HOXB3: variants seen among roughly 807,000 people sequenced by gnomAD.
HOXB3 encodes the protein homeobox protein Hox-B3.
Under a neutral mutation model 29.2 loss-of-function variants are expected in HOXB3, and 17 were observed. The observed-to-expected ratio is 0.58, with a 90% CI of 0.40 to 0.87. The LOEUF is 0.87. Ranked by LOEUF, HOXB3 falls within the 40% of genes least tolerant of loss-of-function variation. The probability of loss-of-function intolerance (pLI) is 0.00; values close to 1 mark genes in which losing one functional copy is unlikely to be tolerated. For synonymous variants in HOXB3, 317 were observed against 285.9 expected (o/e 1.11, Z -1.10); for missense variants, 637 against 616.3 (o/e 1.03, Z -0.35).
intron 2 of HOXB3, among the ~76,000 whole-genome samples, chr17:48,566,678 G>C (rs944194894): frequency 2.0e-5 from 3 of 152,152 alleles, no homozygotes; most frequent in African/African-American, 7.2e-5. Flanking sequence ...GAATTCAGAA[G>C]CTAATACAAA....
chr17:48,552,625 C>G lies in HOXB3; in HGVS notation c.-151G>C. The G allele has an allele frequency of 8.3e-6, 5 of 604,346 alleles. No homozygotes were observed. Among genetic ancestry groups the G allele is most frequent in the Non-Finnish European group, 1.4e-5 (5 of 351,938 alleles). The allele number at this position is 604,346 out of a possible 1,614,324, so 37.4% of individuals were successfully genotyped here. On this transcript the variant is annotated 5_prime_UTR_variant, in exon 4 of 5. Transcript: ENST00000498678. ...CCCCTCCTCCGGGGTCTGTTCCAAGCGGCTGACCTGCGAGGCGAGAGAAGA... is the reference window on the plus strand; with the variant it reads ...CCCCTCCTCCGGGGTCTGTTCCAAGGGGCTGACCTGCGAGGCGAGAGAAGA...
At chr17:48,583,991 C>G (rs541045232) in intron 1 of HOXB3, among the ~76,000 whole-genome samples, 24 of 152,234 alleles carry the variant, frequency 1.6e-4, no homozygotes, top group Non-Finnish European at 3.1e-4. Context: ...CCACAGTGTA[C>G]CTCCTATAGT....
At chr17:48,582,347 C>G (rs1315101642) in intron 1 of HOXB3, 1 of 152,304 alleles carries the variant, frequency 6.6e-6, no homozygotes, top group African/African-American at 2.4e-5. Context: ...CGCCGGGCAA[C>G]AGCTGAGCTC....
At position 48,577,787 on chromosome 17, in the gene HOXB3, C is replaced by A. The variant is rs549526645; in HGVS notation, c.-424-3773G>T. 4,727 of 1,269,804 alleles carry A rather than the reference C, an allele frequency of 3.7e-3. 18 individuals carry two copies. Among genetic ancestry groups the A allele is most frequent in the Non-Finnish European group, 4.4e-3 (4,426 of 995,198 alleles). 78.7% of individuals were successfully genotyped at this position (1,269,804 alleles called of 1,614,324 possible). On this transcript the variant is annotated intron_variant, in intron 1 of 4. Transcript: ENST00000498678. ...ATTGGCTTCCCCAGCTCAACCCCCC[C>A]CCAACCCATGCCTCCGAAGTCCCTT... is the stretch of plus-strand genomic sequence containing the variant.
At chr17:48,584,187 C>T (rs142395873) in intron 1 of HOXB3, among the ~76,000 whole-genome samples, 1,829 of 152,320 alleles carry the variant, frequency 0.012, 20 homozygotes, top group Non-Finnish European at 0.019. Context: ...AAAAGATCTC[C>T]GTGAGGCCAT....
intron 1 of HOXB3, among the ~76,000 whole-genome samples, chr17:48,588,901 C>T (rs1400369768): frequency 6.6e-6 from 1 of 152,188 alleles, no homozygotes; most frequent in Non-Finnish European, 1.5e-5. Flanking sequence ...CCATCCTTGT[C>T]CCAAAGATCA....
At chr17:48,553,605 T>G (rs2144753425) in intron 3 of HOXB3, 1 of 152,120 alleles carries the variant, frequency 6.6e-6, no homozygotes, top group Non-Finnish European at 1.5e-5. Flanking sequence ...AAAGAGAAAA[T>G]TATTCCTGAG....
chr17:48,578,589 G>A (rs1022321697), intron 1 of HOXB3: 14 of 373,414 alleles, frequency 3.7e-5, no homozygotes, highest in Non-Finnish European at 6.3e-5. Context: ...TAGGGCTCCT[G>A]CGGGGCGACC....
intron 1 of HOXB3, among the ~76,000 whole-genome samples, chr17:48,583,179 G>C (rs1305530272): frequency 1.3e-5 from 2 of 152,178 alleles, no homozygotes; most frequent in Non-Finnish European, 2.9e-5. Flanking sequence ...AACCCAGCAG[G>C]TTTGGGGAAG....
At chr17:48,563,723 C>T (rs2069281563) in intron 2 of HOXB3, among the ~76,000 whole-genome samples, 1 of 152,202 alleles carries the variant, frequency 6.6e-6, no homozygotes, top group Non-Finnish European at 1.5e-5. Flanking sequence ...CCTTTCCTAC[C>T]TTCTGGGCTT....
At chr17:48,559,950 G>A (rs2069136565) in intron 2 of HOXB3, 1 of 152,362 alleles carries the variant, frequency 6.6e-6, no homozygotes, top group East Asian at 1.9e-4. Flanking sequence ...ACATGCTAAT[G>A]AGGGGATGGC....
At chr17:48,556,966 G>A (rs2144778747) in intron 2 of HOXB3, 1 of 152,300 alleles carries the variant, frequency 6.6e-6, no homozygotes, top group African/African-American at 2.4e-5. Context: ...AAGTGAGGAA[G>A]GCCACAAAAG....
chr17:48,589,942 C>T (rs4793944), intron 1 of HOXB3, among the ~76,000 whole-genome samples, 183 bp downstream of exon 1: 57,736 of 151,894 alleles, frequency 0.38, 13,410 homozygotes, highest in Non-Finnish European at 0.52. Context: ...CACCCCCGAC[C>T]GATGAGGCCT....
intron 1 of HOXB3, chr17:48,578,371 A>T (rs1225024543): frequency 6.4e-7 from 1 of 1,570,058 alleles, no homozygotes. Flanking sequence ...CCGACCCCTG[A>T]CTCGTTTTCC....
chr17:48,576,659 C>A, intron 1 of HOXB3: 1 of 891,842 alleles, frequency 1.1e-6, no homozygotes, highest in Non-Finnish European at 1.6e-6. Context: ...GTCCCCCCAC[C>A]CCATCCCCTG....
intron 1 of HOXB3, among the ~76,000 whole-genome samples, chr17:48,577,511 C>G (rs1454210329): frequency 6.6e-6 from 1 of 152,216 alleles, no homozygotes; most frequent in Non-Finnish European, 1.5e-5. Context: ...ACTCAACTCT[C>G]TGCTTAAATA....
chr17:48,567,276 T>C (rs985417956), intron 2 of HOXB3, among the ~76,000 whole-genome samples: 1 of 152,216 alleles, frequency 6.6e-6, no homozygotes, highest in African/African-American at 2.4e-5. Flanking sequence ...AAGCTGCCAC[T>C]CCACGTAGTG....
chr17:48,571,201 T>A (rs915201350), intron 2 of HOXB3, among the ~76,000 whole-genome samples: 1 of 152,240 alleles, frequency 6.6e-6, no homozygotes, highest in African/African-American at 2.4e-5. Flanking sequence ...AAGGCGAGAT[T>A]GATTTACGAA....
At chr17:48,568,941 C>T (rs1168747805) in intron 2 of HOXB3, among the ~76,000 whole-genome samples, 2 of 152,092 alleles carry the variant, frequency 1.3e-5, no homozygotes, top group African/African-American at 2.4e-5. Flanking sequence ...ATATAAGACG[C>T]GGTAGGTAGT....
Sources: gnomAD v4.1 joint callset for allele counts (sites outside exome capture counted in the v4.1 genomes callset) on GRCh38, gnomAD v4.1.1 for gene constraint, MANE v1.5 for transcripts, NCBI Gene and HGNC (gene_info 2026-07-23, HGNC 2026-07-21) for gene names.